The following BCL2 variants were observed in gnomAD, a reference collection of about 807,000 sequenced individuals.
The protein encoded by BCL2 is BCL2 apoptosis regulator, also known as apoptosis regulator Bcl-2.
Under a neutral mutation model 14.2 loss-of-function variants are expected in BCL2, and 1 was observed. That is an observed-to-expected ratio of 0.07 (90% CI 0.02 to 0.33). The LOEUF (loss-of-function observed/expected upper bound fraction) is 0.33. BCL2 is among the 10% of genes least tolerant of loss of function. BCL2 has a pLI of 0.99. For missense variants in BCL2, 247 were observed against 305.9 expected (o/e 0.81, Z 1.44); for synonymous variants, 151 against 137.2 (o/e 1.10, Z -0.70).
chr18:63,206,764 G>GT (rs1038669480), intron 2 of BCL2, among the ~76,000 whole-genome samples: 4 of 152,180 alleles, frequency 2.6e-5, no homozygotes, highest in African/African-American at 4.8e-5. Flanking sequence ...GGGGACTCTG[G>GT]TGTGGGTGGG....
At chr18:63,168,224 G>C (rs1915093336) in intron 2 of BCL2, among the ~76,000 whole-genome samples, 1 of 151,972 alleles carries the variant, frequency 6.6e-6, no homozygotes. Flanking sequence ...AGTGAAGTCT[G>C]ACAAAGGAGG....
intron 2 of BCL2, among the ~76,000 whole-genome samples, chr18:63,134,415 C>A (rs929412393): frequency 2.0e-5 from 3 of 152,148 alleles, no homozygotes; most frequent in Non-Finnish European, 4.4e-5. Context: ...ATGCAACAGG[C>A]CCCCGGTTAA....
At chr18:63,297,064 T>G (rs913353137) in intron 2 of BCL2, among the ~76,000 whole-genome samples, 4 of 152,052 alleles carry the variant, frequency 2.6e-5, no homozygotes, top group Admixed American at 2.6e-4. Context: ...TACAAAAAAT[T>G]TAGCTGGGGA....
intron 2 of BCL2, among the ~76,000 whole-genome samples, chr18:63,273,348 G>T (rs994997190): frequency 6.6e-6 from 1 of 152,150 alleles, no homozygotes; most frequent in Non-Finnish European, 1.5e-5. Flanking sequence ...GAATCTCAGC[G>T]TAGAGATATG....
intron 2 of BCL2, among the ~76,000 whole-genome samples, chr18:63,220,158 C>T (rs923161483): frequency 1.2e-4 from 18 of 152,112 alleles, no homozygotes; most frequent in South Asian, 4.1e-4. Flanking sequence ...AAGTTGGGCT[C>T]GTGGATGAAA....
chr18:63,139,193 C>T (rs1310501115), intron 2 of BCL2, among the ~76,000 whole-genome samples: 1 of 152,226 alleles, frequency 6.6e-6, no homozygotes, highest in Non-Finnish European at 1.5e-5. Flanking sequence ...CACCTGTGGG[C>T]TCATGTCCCT....
Position 63,172,909 on chromosome 18 carries a change from C to T in BCL2, c.586-44150G>A, listed in dbSNP as rs190022004. Among the ~76,000 whole-genome samples, 457 of 152,344 alleles carry T rather than the reference C, an allele frequency of 3.0e-3. 1 individual carries two copies. Among genetic ancestry groups the T allele is most frequent in the African/African-American group, 3.8e-3 (157 of 41,580 alleles). On this transcript the variant is annotated intron_variant, in intron 2 of 2. Coordinates refer to ENST00000333681, the MANE Select transcript of BCL2 (RefSeq NM_000633.3). ...ATGATGCACCAACGGATCTCAACTC[C>T]GCATTCATTCCTCCTTTAGGTCAGC...
At chr18:63,232,537 ACAC>A (rs1394352246) in intron 2 of BCL2, among the ~76,000 whole-genome samples, 1 of 152,242 alleles carries the variant, frequency 6.6e-6, no homozygotes, top group Non-Finnish European at 1.5e-5. Context: ...GGAAAAACCA[ACAC>A]TAAACACATA....
intron 2 of BCL2, among the ~76,000 whole-genome samples, chr18:63,218,772 C>CTCCATCCTCCAATCATCCCATCCACTGAT (rs1910295668): frequency 7.3e-5 from 1 of 13,610 alleles, no homozygotes. Flanking sequence ...CTCTACTCAT[C>CTCCATCCTCCAATCATCCCATCCACTGAT]CCCATCCTCC....
chr18:63,196,053 C>T (rs1909435079), intron 2 of BCL2, among the ~76,000 whole-genome samples: 1 of 152,214 alleles, frequency 6.6e-6, no homozygotes, highest in South Asian at 2.1e-4. Flanking sequence ...AATTACAGCA[C>T]TGGACAATTC....
chr18:63,265,177 G>T (rs1568251808), intron 2 of BCL2, among the ~76,000 whole-genome samples: 2 of 152,174 alleles, frequency 1.3e-5, no homozygotes, highest in African/African-American at 2.4e-5. Flanking sequence ...CCACGCTAAG[G>T]TCTTGCTGGC....
intron 2 of BCL2, among the ~76,000 whole-genome samples, chr18:63,182,862 G>T (rs1599230072): frequency 6.6e-6 from 1 of 152,304 alleles, no homozygotes; most frequent in East Asian, 1.9e-4. Flanking sequence ...GAAGATAAGA[G>T]CAACTCATTG....
At chr18:63,195,263 A>G (rs74639096) in intron 2 of BCL2, among the ~76,000 whole-genome samples, 1 of 152,190 alleles carries the variant, frequency 6.6e-6, no homozygotes, top group Non-Finnish European at 1.5e-5. Context: ...TCATTTATCA[A>G]TACAGGCCGC....
chr18:63,259,403 G>A (rs1453338578), intron 2 of BCL2, among the ~76,000 whole-genome samples: 2 of 152,278 alleles, frequency 1.3e-5, no homozygotes, highest in Non-Finnish European at 2.9e-5. Context: ...GGCTCCCCAT[G>A]GCAGCTGGGG....
At position 63,126,557 on chromosome 18, in the gene BCL2, A is replaced by T; in HGVS notation, c.*2068T>A. On this transcript the variant is annotated 3_prime_UTR_variant, in exon 3 of 3. Transcript: ENST00000333681. ...AGAAACAAGGTCAAAGGGACAACAG[A>T]TATAACTGTCACAATAAACAATTCT... 4.4e-6 allele frequency: 1 copy of T among 229,492 alleles called. No individual in the cohort carries two copies. Among genetic ancestry groups the T allele is most frequent in the Admixed American group, 5.7e-5 (1 of 17,658 alleles). 14.2% of individuals were successfully genotyped at this position (229,492 alleles called of 1,614,324 possible).
chr18:63,223,346 G>A (rs1267423125), intron 2 of BCL2, among the ~76,000 whole-genome samples: 1 of 150,834 alleles, frequency 6.6e-6, no homozygotes, highest in East Asian at 1.9e-4. Context: ...CTTGCAGTGA[G>A]CCAAGATGGC....
chr18:63,229,176 T>A (rs908277011), intron 2 of BCL2, among the ~76,000 whole-genome samples: 10 of 152,170 alleles, frequency 6.6e-5, no homozygotes, highest in South Asian at 2.1e-4. Context: ...AGATTTTATT[T>A]ATTTATTTAT....
intron 2 of BCL2, among the ~76,000 whole-genome samples, chr18:63,159,096 G>C (rs1273577919): frequency 6.6e-6 from 1 of 152,156 alleles, no homozygotes; most frequent in Non-Finnish European, 1.5e-5. Flanking sequence ...TACCATAAAA[G>C]GGGAATTTCC....
At chr18:63,316,144 C>G (rs764325764) in intron 2 of BCL2, 3 of 152,404 alleles carry the variant, frequency 2.0e-5, no homozygotes, top group African/African-American at 4.8e-5. Context: ...AAAAAGTGAG[C>G]CTTTACTTAA....
Sources: gnomAD v4.1 joint callset for allele counts (sites outside exome capture counted in the v4.1 genomes callset) on GRCh38, gnomAD v4.1.1 for gene constraint, MANE v1.5 for transcripts, NCBI Gene and HGNC (gene_info 2026-07-23, HGNC 2026-07-21) for gene names.